Variants in SNAP91 observed in about 807,000 individuals in gnomAD.
The protein encoded by SNAP91 is synaptosome associated protein 91, also known as clathrin coat assembly protein AP180.
A neutral mutation model predicts 100.3 loss-of-function variants in SNAP91; 27 were observed. The ratio of observed to expected loss-of-function variants is 0.27; its 90% CI spans 0.20 to 0.37. SNAP91 has a LOEUF of 0.37. Among genes scored for constraint, SNAP91 ranks in the 10% least tolerant of loss-of-function variants. The pLI is 1.00. For synonymous variants in SNAP91, 404 were observed against 398.6 expected, an observed-to-expected ratio of 1.01 and a Z score of -0.16; for missense variants, 986 against 1,123.7, an observed-to-expected ratio of 0.88 and a Z score of 1.75.
At chr6:83,691,476 C>T (rs1054799317) in intron 2 of SNAP91, among the ~76,000 whole-genome samples, 2 of 151,978 alleles carry the variant, frequency 1.3e-5, no homozygotes, top group African/African-American at 4.8e-5. Context: ...CGAGATTCAC[C>T]ACAACTACTG....
intron 2 of SNAP91, among the ~76,000 whole-genome samples, chr6:83,691,513 A>G (rs2099129912): frequency 6.6e-6 from 1 of 152,122 alleles, no homozygotes; most frequent in South Asian, 2.1e-4. Context: ...TAACTTCCCT[A>G]CTAGATCAAC....
At chr6:83,556,942 T>C (rs1779782338) in intron 28 of SNAP91, among the ~76,000 whole-genome samples, 1 of 152,210 alleles carries the variant, frequency 6.6e-6, no homozygotes, top group Non-Finnish European at 1.5e-5. Flanking sequence ...TGGTAGTGAA[T>C]GCCACTAAAA....
chr6:83,593,359 T>G (rs2094055222), intron 18 of SNAP91, 100 bp from the exon 19 acceptor site: 1 of 1,515,002 alleles, frequency 6.6e-7, no homozygotes, highest in South Asian at 1.2e-5. Flanking sequence ...AACTCTGAAT[T>G]AAGCAGCAAA....
intron 7 of SNAP91, among the ~76,000 whole-genome samples, chr6:83,655,634 G>A (rs2098383311): frequency 6.6e-6 from 1 of 152,156 alleles, no homozygotes; most frequent in Non-Finnish European, 1.5e-5. Context: ...TTTGACCAAA[G>A]AACATCAAGT....
chr6:83,655,633 A>G (rs759454690), intron 7 of SNAP91, among the ~76,000 whole-genome samples: 4 of 152,236 alleles, frequency 2.6e-5, no homozygotes, highest in Non-Finnish European at 5.9e-5. Context: ...TTTTGACCAA[A>G]GAACATCAAG....
intron 22 of SNAP91, among the ~76,000 whole-genome samples, chr6:83,585,319 G>A (rs1270569038): frequency 1.3e-5 from 2 of 152,098 alleles, no homozygotes; most frequent in Non-Finnish European, 2.9e-5. Context: ...GACCAGCTTG[G>A]TCAATATAGC....
At chr6:83,665,627 C>A in intron 2 of SNAP91, 46 bp from the exon 3 acceptor site, 1 of 1,555,666 alleles carries the variant, frequency 6.4e-7, no homozygotes, top group Non-Finnish European at 8.7e-7. Context: ...CAATTACATG[C>A]AAAAATTCAT....
intron 9 of SNAP91, among the ~76,000 whole-genome samples, chr6:83,622,709 T>C (rs2128411105): frequency 6.6e-6 from 1 of 152,224 alleles, no homozygotes; most frequent in South Asian, 2.1e-4. Context: ...CAGTACCCTC[T>C]TCACAGATAA....
chr6:83,672,944 G>A (rs1189738634), intron 2 of SNAP91, among the ~76,000 whole-genome samples: 2 of 151,998 alleles, frequency 1.3e-5, no homozygotes, highest in African/African-American at 4.8e-5. Flanking sequence ...GTCAGAAAGG[G>A]GAATAAAAAC....
intron 9 of SNAP91, among the ~76,000 whole-genome samples, chr6:83,620,186 T>C (rs2128388194): frequency 6.6e-6 from 1 of 152,282 alleles, no homozygotes; most frequent in African/African-American, 2.4e-5. Context: ...ATTCCTCCAT[T>C]CCATTTTGCT....
intron 26 of SNAP91, among the ~76,000 whole-genome samples, chr6:83,562,517 T>G (rs1789538661): frequency 6.6e-6 from 1 of 152,208 alleles, no homozygotes; most frequent in African/African-American, 2.4e-5. Flanking sequence ...AAGCAGGGCT[T>G]AGTCACTCTT....
chr6:83,664,585 G>T (rs1441976871), intron 3 of SNAP91, among the ~76,000 whole-genome samples: 1 of 152,122 alleles, frequency 6.6e-6, no homozygotes, highest in East Asian at 1.9e-4. Context: ...ATAATCTCAT[G>T]ATAAAATTTG....
intron 13 of SNAP91, among the ~76,000 whole-genome samples, chr6:83,606,831 G>A (rs941733451): frequency 6.6e-6 from 1 of 152,136 alleles, no homozygotes; most frequent in Non-Finnish European, 1.5e-5. Context: ...TAAATACCAG[G>A]AAAGGAATAC....
intron 8 of SNAP91, among the ~76,000 whole-genome samples, chr6:83,631,937 T>C (rs1195498557): frequency 1.3e-5 from 2 of 152,154 alleles, no homozygotes; most frequent in African/African-American, 4.8e-5. Context: ...ATATTTTTTA[T>C]AGGTCCTATG....
intron 2 of SNAP91, among the ~76,000 whole-genome samples, chr6:83,673,706 A>G (rs999587299): frequency 2.6e-5 from 4 of 152,190 alleles, no homozygotes; most frequent in Non-Finnish European, 5.9e-5. Flanking sequence ...AGACATTAAC[A>G]TTGCCTCACC....
rs370828683 is a variant in SNAP91 at position 83,707,865 on chromosome 6, A to G, written c.63T>C (p.Ala21=). ...TGGCTTTGCAGACCGCTCTTGCTAC[A>G]GCAGAGCCTGTAACGCTGTACTGAG... ...AAAQYSVTGS[A]VARAVCKATT... is the part of the protein sequence containing the mutation. The change falls in exon 2 of 30, where the codon GCT becomes GCC. Residue 21 remains alanine (A), a synonymous_variant. Coordinates refer to ENST00000369694, the MANE Select transcript of SNAP91 (RefSeq NM_001242792.2). The G allele has an allele frequency of 1.2e-6, 2 of 1,612,386 alleles. No homozygotes were observed. The highest frequency in any genetic ancestry group is 1.7e-6 in the Non-Finnish European group (2 of 1,179,312).
chr6:83,685,427 T>A (rs982365263), intron 2 of SNAP91, among the ~76,000 whole-genome samples: 11 of 152,130 alleles, frequency 7.2e-5, no homozygotes, highest in Non-Finnish European at 1.5e-4. Flanking sequence ...AAAACATCCA[T>A]CCCATTGTCA....
chr6:83,649,733 A>AC (rs2098116634), intron 7 of SNAP91, among the ~76,000 whole-genome samples: 1 of 147,036 alleles, frequency 6.8e-6, no homozygotes, highest in Admixed American at 6.8e-5. Context: ...GACATGAGCC[A>AC]CCATGCCTGG....
At position 83,665,469 on chromosome 6, in the gene SNAP91, T is replaced by C; in HGVS notation, c.243A>G (p.Thr81=). Residue 81 remains threonine (T), a synonymous_variant, in exon 3 of 30, where the codon ACA becomes ACG. Transcript: ENST00000369694. The part of the protein sequence containing the change: ...SWVVVFKALV[T]THHLMVHGNE... ...TTCCATGCACCATGAGATGATGTGT[T>C]GTCACTAAAGCCTTAAACACAACCA... The C allele has an allele frequency of 6.2e-7, 1 of 1,612,866 alleles. No homozygotes were observed. Among genetic ancestry groups the C allele is most frequent in the East Asian group, 2.2e-5 (1 of 44,838 alleles).
Sources: gnomAD v4.1 joint callset for allele counts (sites outside exome capture counted in the v4.1 genomes callset) on GRCh38, gnomAD v4.1.1 for gene constraint, MANE v1.5 for transcripts, NCBI Gene and HGNC (gene_info 2026-07-23, HGNC 2026-07-21) for gene names.